The following BIN2 variants were observed in gnomAD, a reference collection of about 807,000 sequenced individuals.
The protein encoded by BIN2 is breast cancer associated protein BRAP1.
BIN2 carries 43 observed loss-of-function variants against 67.9 expected under a neutral mutation model. That is an observed-to-expected ratio of 0.63 (90% CI 0.50 to 0.82). The LOEUF is 0.82. Ranked by LOEUF, BIN2 falls within the 40% of genes least tolerant of loss-of-function variation. BIN2 has a pLI of 0.00. For synonymous variants in BIN2, 244 were observed against 246.8 expected (o/e 0.99, Z 0.11); for missense variants, 581 against 671.6 (o/e 0.87, Z 1.49).
At chr12:51,283,767 G>T (rs1398646204) in intron 12 of BIN2, among the ~76,000 whole-genome samples, 1 of 152,190 alleles carries the variant, frequency 6.6e-6, no homozygotes, top group Non-Finnish European at 1.5e-5. Context: ...GGCCAAGGCA[G>T]GTGCATCATC....
chr12:51,312,226 A>G (rs1025977654), intron 2 of BIN2, among the ~76,000 whole-genome samples: 14 of 152,224 alleles, frequency 9.2e-5, no homozygotes, highest in Admixed American at 3.9e-4. Context: ...AAAAGATCCT[A>G]TGAAAACCAC....
rs1473036951 is a variant in BIN2, at chr12:51,292,031, C to A, written c.1075G>T (p.Glu359Ter). ...GTTGTGGAGCTGGGGAGAACTTCCTCCTGGGACTTGGCCCTTTCAGTGGTA... is the reference window on the plus strand; with the variant it reads ...GTTGTGGAGCTGGGGAGAACTTCCTACTGGGACTTGGCCCTTTCAGTGGTA... Reference protein sequence around the residue: ...SPTTERAKSQEEVLPSSTTPS... With the variant: ...SPTTERAKSQ Residue 359 changes from glutamate to a stop codon, truncating the protein, a stop_gained, in exon 10 of 13, where the codon GAG becomes TAG. Coordinates refer to ENST00000615107, the MANE Select transcript of BIN2 (RefSeq NM_016293.4). LOFTEE classifies it high-confidence loss of function. The A allele has an allele frequency of 1.9e-6, 3 of 1,614,080 alleles. No individual in the cohort carries two copies. The African/African-American group carries it at 4.0e-5, about 22-fold the overall frequency.
chr12:51,292,351 A>C lies in BIN2; in HGVS notation c.762-7T>G. 1 of 1,561,972 alleles carries C rather than the reference A, an allele frequency of 6.4e-7. No homozygotes were observed. Among genetic ancestry groups the C allele is most frequent in the Non-Finnish European group, 8.6e-7 (1 of 1,159,964 alleles). ...TAAAGAGCGCCTGCTGCTGCTAAAA[A>C]AGGAAGGTGTTCAGATTCAGAACGG... On this transcript the variant is annotated splice_polypyrimidine_tract_variant and splice_region_variant and intron_variant, in intron 9 of 12. Transcript: ENST00000615107.
At chr12:51,296,020 A>G (rs1414816989) in intron 8 of BIN2, 142 bp from the exon 9 acceptor site, 2 of 660,394 alleles carry the variant, frequency 3.0e-6, no homozygotes, top group East Asian at 5.2e-5. Context: ...TCATCTGTCT[A>G]GCATTAGAGT....
intron 1 of BIN2, among the ~76,000 whole-genome samples, chr12:51,314,797 C>T (rs1280261913): frequency 7.0e-6 from 1 of 143,704 alleles, no homozygotes; most frequent in Non-Finnish European, 1.5e-5. Context: ...GAAACTCTGT[C>T]TCAAAAAAAA....
At chr12:51,322,862 G>A (rs1269689319) in intron 1 of BIN2, 1 of 152,062 alleles carries the variant, frequency 6.6e-6, no homozygotes, top group Non-Finnish European at 1.5e-5. Flanking sequence ...CTTCCATTGT[G>A]GTCTCTTAAA....
At chr12:51,310,314 C>T (rs1945964432) in intron 2 of BIN2, among the ~76,000 whole-genome samples, 1 of 152,054 alleles carries the variant, frequency 6.6e-6, no homozygotes, top group South Asian at 2.1e-4. Context: ...GTATCATTAA[C>T]AAATAAGCTA....
rs1162372249 is a variant in BIN2, at chr12:51,302,044, A to G, written c.384T>C (p.Tyr128=). The G allele has an allele frequency of 6.2e-7, 1 of 1,613,460 alleles. No individual in the cohort carries two copies. The highest frequency in any genetic ancestry group is 1.1e-5 in the South Asian group (1 of 91,066). Residue 128 remains tyrosine (Y), a synonymous_variant, in exon 5 of 13, where the codon TAT becomes TAC. Coordinates refer to ENST00000615107, the MANE Select transcript of BIN2 (RefSeq NM_016293.4). The stretch of plus-strand genomic sequence containing the variant: ...CCTTAATTTCACTGAACTGGGCAAC[A>G]TAGATTTCCATGGTCCTTACAGCCT... The part of the protein sequence containing the change: ...ADQAVRTMEI[Y]VAQFSEIKER...
At chr12:51,317,962 T>C (rs1019264863) in intron 1 of BIN2, among the ~76,000 whole-genome samples, 10 of 151,798 alleles carry the variant, frequency 6.6e-5, no homozygotes, top group African/African-American at 2.2e-4. Flanking sequence ...CAGTCCGGCC[T>C]AGGCAAAAGA....
At chr12:51,291,213 A>G (rs1477154432) in intron 10 of BIN2, among the ~76,000 whole-genome samples, 1 of 152,202 alleles carries the variant, frequency 6.6e-6, no homozygotes, top group East Asian at 1.9e-4. Flanking sequence ...TACTAAATTA[A>G]TAGCTATGAA....
rs887610219 is a variant in BIN2 at position 51,323,937 on chromosome 12, C to T, written c.81+85G>A. ...CAGACCCTTCGGGGCCCCTGAGCACCCTGCCCGCCCCTCCTGCCCGGCCGG... is the reference window on the plus strand; with the variant it reads ...CAGACCCTTCGGGGCCCCTGAGCACTCTGCCCGCCCCTCCTGCCCGGCCGG... On this transcript the variant is annotated intron_variant, in intron 1 of 12. Transcript: ENST00000615107. 1.9e-6 allele frequency: 3 copies of T among 1,552,170 alleles called. No homozygotes were observed. In the Admixed American group the frequency reaches 5.6e-5, roughly 29 times the overall value.
intron 1 of BIN2, 57 bp from the exon 2 acceptor site, chr12:51,313,960 T>C: frequency 7.4e-7 from 1 of 1,354,598 alleles, no homozygotes; most frequent in South Asian, 1.2e-5. Flanking sequence ...TCTTACATGT[T>C]GGCCTCATAT....
At chr12:51,281,627 A>T (rs1487373392) in intron 12 of BIN2, 99 bp from the exon 13 acceptor site, 1 of 1,244,078 alleles carries the variant, frequency 8.0e-7, no homozygotes, top group Non-Finnish European at 1.2e-6. Flanking sequence ...ATTATACTTC[A>T]TGTAATGCCA....
chr12:51,291,406 C>T (rs995615926), intron 10 of BIN2, among the ~76,000 whole-genome samples, 185 bp downstream of exon 10: 3 of 152,080 alleles, frequency 2.0e-5, no homozygotes, highest in African/African-American at 7.2e-5. Flanking sequence ...GCCAGGAATT[C>T]AAGACCAGTC....
intron 5 of BIN2, 128 bp from the exon 6 acceptor site, chr12:51,299,842 G>C: frequency 1.2e-6 from 1 of 851,480 alleles, no homozygotes; most frequent in South Asian, 1.5e-5. Flanking sequence ...GTTGTTTTTT[G>C]CTTTTGTTTT....
At chr12:51,284,853 G>T in intron 11 of BIN2, 66 bp from the exon 12 acceptor site, 1 of 1,148,342 alleles carries the variant, frequency 8.7e-7, no homozygotes, top group East Asian at 2.3e-5. Flanking sequence ...GCATAGAAGT[G>T]TCTTCTGTGC....
At chr12:51,324,473 G>C (rs1328216474), upstream of BIN2, 2 of 1,521,116 alleles carry the variant, frequency 1.3e-6, no homozygotes, top group Admixed American at 4.2e-5. Context: ...CCACCGCAGG[G>C]TAGAAAATGA....
chr12:51,320,309 G>A (rs1417054382), intron 1 of BIN2, among the ~76,000 whole-genome samples: 6 of 152,138 alleles, frequency 3.9e-5, no homozygotes, highest in African/African-American at 1.4e-4. Flanking sequence ...CATGAGCCAT[G>A]GCGCTTGGCC....
At chr12:51,302,878 A>G in intron 3 of BIN2, 98 bp from the exon 4 acceptor site, 1 of 1,229,746 alleles carries the variant, frequency 8.1e-7, no homozygotes. Flanking sequence ...CAGAAGGACA[A>G]ACTCAGAAGG....
Sources: gnomAD v4.1 joint callset for allele counts (sites outside exome capture counted in the v4.1 genomes callset) on GRCh38, gnomAD v4.1.1 for gene constraint, MANE v1.5 for transcripts, NCBI Gene and HGNC (gene_info 2026-07-23, HGNC 2026-07-21) for gene names.